The following ASH1L variants were observed in gnomAD, a reference collection of about 807,000 sequenced individuals.
ASH1L encodes the protein histone-lysine N-methyltransferase ASH1L.
In ASH1L, 23 loss-of-function variants were observed where a neutral mutation model predicts 269.0. The observed-to-expected ratio is 0.09, with a 90% CI of 0.06 to 0.12. The LOEUF is 0.12. ASH1L is among the 10% of genes least tolerant of loss of function. ASH1L has a pLI of 1.00. For synonymous variants in ASH1L, 1,187 were observed against 1,253.5 expected, an observed-to-expected ratio of 0.95 and a Z score of 1.12; for missense variants, 2,912 against 3,567.8, an observed-to-expected ratio of 0.82 and a Z score of 4.68.
At chr1:155,363,436 G>A (rs966511122) in intron 12 of ASH1L, among the ~76,000 whole-genome samples, 22 of 149,526 alleles carry the variant, frequency 1.5e-4, no homozygotes, top group Admixed American at 7.3e-4. Context: ...TAAAGACAGG[G>A]TTTAGCCATG....
intron 1 of ASH1L, among the ~76,000 whole-genome samples, chr1:155,549,875 C>T (rs1043218610): frequency 6.6e-6 from 1 of 152,152 alleles, no homozygotes; most frequent in Non-Finnish European, 1.5e-5. Flanking sequence ...CAGGCCATCA[C>T]TGAAGTCATC....
chr1:155,507,237 G>A (rs1415440397), intron 2 of ASH1L, among the ~76,000 whole-genome samples: 3 of 149,208 alleles, frequency 2.0e-5, no homozygotes, highest in Non-Finnish European at 4.4e-5. Context: ...CCGAGATCGC[G>A]CCATGGCACT....
chr1:155,339,683 G>A (rs1403487476), intron 25 of ASH1L, among the ~76,000 whole-genome samples: 1 of 152,076 alleles, frequency 6.6e-6, no homozygotes, highest in Admixed American at 6.6e-5. Flanking sequence ...TGATTTGATT[G>A]TTATGTAAAC....
chr1:155,406,502 C>G (rs917347439), intron 6 of ASH1L, among the ~76,000 whole-genome samples: 1 of 152,038 alleles, frequency 6.6e-6, no homozygotes, highest in Admixed American at 6.6e-5. Context: ...GCCAAGAGTT[C>G]GAGACAGCCT....
chr1:155,440,251 T>G (rs1248652073), intron 4 of ASH1L, among the ~76,000 whole-genome samples: 2 of 152,090 alleles, frequency 1.3e-5, no homozygotes, highest in Non-Finnish European at 2.9e-5. Flanking sequence ...GAGGCTGCAG[T>G]GAGCTATGAT....
intron 1 of ASH1L, among the ~76,000 whole-genome samples, chr1:155,559,529 A>G (rs1671816523): frequency 7.2e-6 from 1 of 138,694 alleles, no homozygotes; most frequent in Non-Finnish European, 1.6e-5. Context: ...AGTGAAACTC[A>G]GTCTCAAAAA....
chr1:155,447,060 C>A (rs768900354), intron 4 of ASH1L, among the ~76,000 whole-genome samples: 61 of 152,286 alleles, frequency 4.0e-4, no homozygotes, highest in Non-Finnish European at 7.1e-4. Flanking sequence ...TGTATTATTT[C>A]TGAATAAGAC....
chr1:155,420,407 A>C (rs1380221022), intron 5 of ASH1L, among the ~76,000 whole-genome samples: 1 of 151,292 alleles, frequency 6.6e-6, no homozygotes, highest in East Asian at 1.9e-4. Context: ...AAAAGCATTA[A>C]ATGCTTAGAT....
chr1:155,429,417 C>T (rs190137483), intron 5 of ASH1L, among the ~76,000 whole-genome samples: 11 of 152,174 alleles, frequency 7.2e-5, no homozygotes, highest in Admixed American at 3.9e-4. Flanking sequence ...GGACTACAGG[C>T]GTGTGCTACC....
chr1:155,350,502 T>C (rs1033913847), intron 17 of ASH1L, among the ~76,000 whole-genome samples: 2 of 152,144 alleles, frequency 1.3e-5, no homozygotes, highest in African/African-American at 4.8e-5. Context: ...GAATGAGAGA[T>C]GGGAACTTAT....
At chr1:155,386,019 G>T (rs1021979830) in intron 7 of ASH1L, among the ~76,000 whole-genome samples, 1 of 151,868 alleles carries the variant, frequency 6.6e-6, no homozygotes, top group African/African-American at 2.4e-5. Context: ...ACATATGATT[G>T]TTGGCCACGT....
chr1:155,396,299 A>G (rs948439549), intron 6 of ASH1L: 11 of 152,172 alleles, frequency 7.2e-5, no homozygotes, highest in African/African-American at 2.7e-4. Context: ...ATTTTAGCTT[A>G]AAGTTCCAAT....
intron 6 of ASH1L, among the ~76,000 whole-genome samples, chr1:155,407,084 G>A (rs1358218088): frequency 1.3e-5 from 2 of 152,064 alleles, no homozygotes; most frequent in African/African-American, 2.4e-5. Context: ...TTAGCCAGGC[G>A]TGGTGGTGCA....
chr1:155,387,537 C>G (rs1297183226), intron 7 of ASH1L, among the ~76,000 whole-genome samples: 1 of 151,988 alleles, frequency 6.6e-6, no homozygotes, highest in African/African-American at 2.4e-5. Flanking sequence ...TTACTGTAGC[C>G]CTGTAGTATA....
At position 155,370,489 on chromosome 1, in the gene ASH1L, C is replaced by T. The variant is rs758997668; in HGVS notation, c.6686+15G>A. ...TCTGCTGGATTCTTGTCTTCACCTT[C>T]TTTTGCTTCCTTACCATTTCTGCAT... On this transcript the variant is annotated intron_variant, in intron 12 of 27. Transcript: ENST00000392403. The T allele has an allele frequency of 2.3e-5, 37 of 1,613,168 alleles. 1 individual carries two copies. The South Asian group carries it at 4.0e-4, about 17-fold the overall frequency.
intron 4 of ASH1L, among the ~76,000 whole-genome samples, chr1:155,452,709 C>T (rs1305845662): frequency 1.3e-5 from 2 of 151,940 alleles, no homozygotes; most frequent in Admixed American, 1.3e-4. Flanking sequence ...TGTGCGTGAC[C>T]ATGTCTGGCT....
At chr1:155,372,309 ATTTATT>A (rs1656031037) in intron 10 of ASH1L, among the ~76,000 whole-genome samples, 2 of 144,036 alleles carry the variant, frequency 1.4e-5, no homozygotes, top group Non-Finnish European at 3.0e-5. Flanking sequence ...TTTTTTTTTA[ATTTATT>A]TTTATTTTTT....
In ASH1L at chr1:155,545,029, G is replaced by A. The variant is rs1204338415; in HGVS notation, c.-100+17124C>T. On this transcript the variant is annotated intron_variant, in intron 1 of 27. Transcript: ENST00000392403. ...CTCTACTAAAAATACAAAATTAGCC[G>A]GGCATGGTGGTACATGCCTGTAATC... Among the ~76,000 whole-genome samples the A allele has an allele frequency of 6.0e-5, 9 of 151,044 alleles. No homozygotes were observed. In the East Asian group the frequency reaches 1.2e-3, roughly 20 times the overall value.
chr1:155,538,565 A>G (rs1670213019), intron 1 of ASH1L, among the ~76,000 whole-genome samples: 1 of 149,518 alleles, frequency 6.7e-6, no homozygotes, highest in Non-Finnish European at 1.5e-5. Context: ...CACTATATTG[A>G]ACTCCTGACC....
Sources: allele counts gnomAD v4.1 joint callset (sites outside exome capture counted in the v4.1 genomes callset), GRCh38; gene constraint gnomAD v4.1.1; transcripts MANE v1.5; gene names NCBI Gene and HGNC (gene_info 2026-07-23, HGNC 2026-07-21).